The following TCF4 variants were observed in gnomAD, a reference collection of about 807,000 sequenced individuals.
TCF4 encodes transcription factor 4.
A neutral mutation model predicts 82.1 loss-of-function variants in TCF4; 3 were observed. The observed-to-expected ratio is 0.04, with a 90% CI of 0.02 to 0.09. The LOEUF (loss-of-function observed/expected upper bound fraction) is 0.09, where lower values mean the gene tolerates loss of function less well. Ranked by LOEUF, TCF4 falls within the 10% of genes least tolerant of loss-of-function variation. The pLI is 1.00. For synonymous variants in TCF4, 276 were observed against 309.6 expected (o/e 0.89, Z 1.14); for missense variants, 518 against 852.7 (o/e 0.61, Z 4.89).
At position 55,228,908 on chromosome 18, in the gene TCF4, G is replaced by A; in HGVS notation, c.1818C>T (p.Thr606=). The A allele has an allele frequency of 6.2e-7, 1 of 1,614,162 alleles. No individual in the cohort carries two copies. Among genetic ancestry groups the A allele is most frequent in the South Asian group, 1.1e-5 (1 of 91,076 alleles). The change falls in exon 18 of 20, where the codon ACC becomes ACT. Residue 606 remains threonine, a synonymous_variant. Coordinates refer to ENST00000354452, the MANE Select transcript of TCF4 (RefSeq NM_001083962.2). ...CCGCCTGGTGGAGGATCAGGAGCTT[G>A]GTCTGGGGCTTGTCACTCTTGAGGT... is the stretch of plus-strand genomic sequence containing the variant. The part of the protein sequence containing the change: ...QLHLKSDKPQ[T]KLLILHQAVA...
chr18:55,242,066 G>A (rs1337133446), intron 15 of TCF4, among the ~76,000 whole-genome samples: 1 of 152,166 alleles, frequency 6.6e-6, no homozygotes, highest in Non-Finnish European at 1.5e-5. Flanking sequence ...TCCCTGCTCT[G>A]TCTGCTGGGC....
chr18:55,605,048 TGAG>T (rs1490135351), intron 2 of TCF4, among the ~76,000 whole-genome samples: 27 of 152,186 alleles, frequency 1.8e-4, no homozygotes, highest in East Asian at 5.8e-4. Flanking sequence ...GGGGTCCTGT[TGAG>T]GAGAACTGAG....
chr18:55,514,405 G>GCACACACACA (rs74182104), intron 3 of TCF4, among the ~76,000 whole-genome samples: 34 of 130,286 alleles, frequency 2.6e-4, no homozygotes, highest in Non-Finnish European at 4.3e-4. Context: ...ATCTATCCAT[G>GCACACACACA]CACACACACA....
chr18:55,380,207 T>C (rs1214284845), intron 6 of TCF4, among the ~76,000 whole-genome samples: 1 of 152,144 alleles, frequency 6.6e-6, no homozygotes, highest in Non-Finnish European at 1.5e-5. Context: ...GATGACCATC[T>C]TCTCGTGGTA....
intron 6 of TCF4, among the ~76,000 whole-genome samples, chr18:55,356,727 G>A (rs2083631897): frequency 6.6e-6 from 1 of 152,026 alleles, no homozygotes; most frequent in Admixed American, 6.6e-5. Context: ...GGCATTTAAT[G>A]AATTATTATG....
intron 17 of TCF4, chr18:55,231,447 G>A (rs773666291): frequency 2.2e-4 from 33 of 152,346 alleles, no homozygotes; most frequent in Non-Finnish European, 3.5e-4. Flanking sequence ...TGTCATAAGA[G>A]TGACCTTTTT....
chr18:55,381,724 T>C (rs1293490581), intron 6 of TCF4, among the ~76,000 whole-genome samples: 1 of 151,566 alleles, frequency 6.6e-6, no homozygotes, highest in Non-Finnish European at 1.5e-5. Flanking sequence ...GTATCGGTTT[T>C]ATACTCAATC....
chr18:55,254,457 C>G, intron 15 of TCF4, 40 bp downstream of exon 15: 3 of 1,589,576 alleles, frequency 1.9e-6, no homozygotes, highest in Non-Finnish European at 2.6e-6. Context: ...AATTCTAACT[C>G]TATATGATAA....
rs1222588886 is a variant in TCF4, at chr18:55,223,064, C to T, written c.*4971G>A. 2 of 152,150 alleles carry T rather than the reference C, an allele frequency of 1.3e-5. No homozygotes were observed. Among genetic ancestry groups the T allele is most frequent in the Admixed American group, 6.5e-5 (1 of 15,282 alleles). 9.4% of individuals were successfully genotyped at this position (152,150 alleles called of 1,614,324 possible). A position where few individuals can be genotyped will look rare whatever the true frequency, so the allele number is the denominator to read the frequency against. ...ATCTGAGAATGTTCTGCCAAACAGC[C>T]GACCAACTGGTGCAAAAGGTTAAGG... is the stretch of plus-strand genomic sequence containing the variant. On this transcript the variant is annotated 3_prime_UTR_variant, in exon 20 of 20. Transcript: ENST00000354452.
chr18:55,398,630 C>T (rs1264383733), intron 6 of TCF4, among the ~76,000 whole-genome samples: 1 of 152,116 alleles, frequency 6.6e-6, no homozygotes, highest in Non-Finnish European at 1.5e-5. Flanking sequence ...TGGGAGAGTG[C>T]AGTTTTCTGG....
At chr18:55,300,719 C>G (rs1006407631) in intron 8 of TCF4, among the ~76,000 whole-genome samples, 2 of 152,164 alleles carry the variant, frequency 1.3e-5, no homozygotes, top group Non-Finnish European at 2.9e-5. Flanking sequence ...CAACCACTCT[C>G]GCGGCACCCT....
intron 8 of TCF4, among the ~76,000 whole-genome samples, chr18:55,287,977 A>C (rs2064090890): frequency 6.6e-6 from 1 of 152,332 alleles, no homozygotes; most frequent in Non-Finnish European, 1.5e-5. Context: ...AAAACAAAGG[A>C]ACTTAAGACA....
chr18:55,448,814 T>C (rs1019219333), intron 5 of TCF4, among the ~76,000 whole-genome samples: 1 of 152,232 alleles, frequency 6.6e-6, no homozygotes, highest in Non-Finnish European at 1.5e-5. Flanking sequence ...AATTCCACTC[T>C]TAAACTAGTA....
intron 8 of TCF4, among the ~76,000 whole-genome samples, chr18:55,292,862 A>G (rs1383828395): frequency 6.6e-6 from 1 of 152,104 alleles, no homozygotes; most frequent in Non-Finnish European, 1.5e-5. Flanking sequence ...CACATTATTT[A>G]CACACATTAT....
chr18:55,263,249 T>C (rs1166871353), intron 11 of TCF4, among the ~76,000 whole-genome samples: 1 of 152,150 alleles, frequency 6.6e-6, no homozygotes, highest in Admixed American at 6.5e-5. Flanking sequence ...TATCACAAAG[T>C]TATGATATTA....
At chr18:55,613,054 CT>C (rs1659080787) in intron 2 of TCF4, among the ~76,000 whole-genome samples, 1 of 152,126 alleles carries the variant, frequency 6.6e-6, no homozygotes, top group African/African-American at 2.4e-5. Flanking sequence ...GCTCATGCCC[CT>C]CCTACCTTAT....
At chr18:55,619,126 T>G (rs926144214) in intron 2 of TCF4, among the ~76,000 whole-genome samples, 7 of 152,116 alleles carry the variant, frequency 4.6e-5, no homozygotes, top group Non-Finnish European at 1.0e-4. Context: ...GGTTTTGTTT[T>G]GGGTTGTTTT....
rs148840888 is a variant in TCF4 at position 55,408,856 on chromosome 18, G to A, written c.305-5338C>T. Among the ~76,000 whole-genome samples the A allele has an allele frequency of 1.3e-4, 20 of 151,438 alleles. 1 individual carries two copies. The highest frequency in any genetic ancestry group is 1.2e-3 in the Admixed American group (18 of 15,220). On this transcript the variant is annotated intron_variant, in intron 5 of 19. Coordinates refer to ENST00000354452, the MANE Select transcript of TCF4 (RefSeq NM_001083962.2). The stretch of plus-strand genomic sequence containing the variant: ...AAAAGTATAAATAAACTAGAGGCCC[G>A]ACACTGAAGACTCTCAAATCCCAGA...
At chr18:55,428,817 T>C (rs957132378) in intron 5 of TCF4, among the ~76,000 whole-genome samples, 6 of 152,180 alleles carry the variant, frequency 3.9e-5, no homozygotes, top group African/African-American at 1.4e-4. Flanking sequence ...AATCCCTTAG[T>C]TGGAGCCTTA....
Sources: gnomAD v4.1 joint callset for allele counts (sites outside exome capture counted in the v4.1 genomes callset) on GRCh38, gnomAD v4.1.1 for gene constraint, MANE v1.5 for transcripts, NCBI Gene and HGNC (gene_info 2026-07-23, HGNC 2026-07-21) for gene names.